Variants in CSMD1 observed in about 807,000 individuals in gnomAD.
CSMD1 encodes CUB and Sushi multiple domains 1.
CSMD1 carries 213 observed loss-of-function variants against 417.5 expected under a neutral mutation model. The ratio of observed to expected loss-of-function variants is 0.51; its 90% CI spans 0.46 to 0.57. The LOEUF is 0.57. Ranked by LOEUF, CSMD1 falls within the 20% of genes least tolerant of loss-of-function variation. CSMD1 has a pLI of 0.00. For synonymous variants in CSMD1, 2,862 were observed against 1,736.8 expected (o/e 1.65, Z -16.11); for missense variants, 6,923 against 4,529.7 (o/e 1.53, Z -15.17).
At chr8:3,853,676 G>A (rs1371391250) in intron 5 of CSMD1, among the ~76,000 whole-genome samples, 1 of 151,832 alleles carries the variant, frequency 6.6e-6, no homozygotes, top group African/African-American at 2.4e-5. Flanking sequence ...AGTGTAGAAG[G>A]TGGCAGTGTG....
intron 2 of CSMD1, among the ~76,000 whole-genome samples, chr8:4,495,941 A>G (rs533803062): frequency 6.6e-6 from 1 of 152,300 alleles, no homozygotes; most frequent in South Asian, 2.1e-4. Context: ...GGCAAATGAC[A>G]AGAACCAAAG....
chr8:4,287,249 T>C (rs554618636), intron 3 of CSMD1, among the ~76,000 whole-genome samples: 3 of 152,326 alleles, frequency 2.0e-5, no homozygotes, highest in Admixed American at 1.3e-4. Context: ...TTCTAAAAGA[T>C]TCCCCCTCAC....
intron 5 of CSMD1, among the ~76,000 whole-genome samples, chr8:3,850,372 T>C (rs1241901618): frequency 1.3e-5 from 2 of 152,226 alleles, no homozygotes; most frequent in Admixed American, 6.5e-5. Flanking sequence ...CTTTGTCCTG[T>C]AAGCACTGAC....
intron 1 of CSMD1, among the ~76,000 whole-genome samples, chr8:4,912,498 C>A (rs969321423): frequency 6.6e-6 from 1 of 152,038 alleles, no homozygotes; most frequent in Non-Finnish European, 1.5e-5. Context: ...ATACAAAGTG[C>A]CAGAGGCTTC....
chr8:3,008,339 A>G (rs1808117697), intron 52 of CSMD1, among the ~76,000 whole-genome samples: 1 of 152,120 alleles, frequency 6.6e-6, no homozygotes, highest in Non-Finnish European at 1.5e-5. Flanking sequence ...AGGGAAAACC[A>G]CTCACTCCAT....
chr8:3,595,918 C>A (rs188831344), intron 8 of CSMD1, among the ~76,000 whole-genome samples: 5 of 152,292 alleles, frequency 3.3e-5, no homozygotes, highest in East Asian at 1.9e-4. Flanking sequence ...TGGGAAGGAG[C>A]TTTGCCCGCA....
At chr8:3,237,151 TAAG>T (rs1172243939) in intron 26 of CSMD1, among the ~76,000 whole-genome samples, 1 of 151,442 alleles carries the variant, frequency 6.6e-6, no homozygotes, top group Non-Finnish European at 1.5e-5. Flanking sequence ...TGCAACTAGA[TAAG>T]AGAGATATAT....
chr8:4,236,557 G>A (rs1479123564), intron 3 of CSMD1, among the ~76,000 whole-genome samples: 2 of 152,120 alleles, frequency 1.3e-5, no homozygotes, highest in Non-Finnish European at 2.9e-5. Flanking sequence ...AAAATTCAAC[G>A]TGATAGAAAG....
chr8:3,831,162 T>C (rs146640954), intron 5 of CSMD1, among the ~76,000 whole-genome samples: 2 of 152,264 alleles, frequency 1.3e-5, no homozygotes, highest in East Asian at 1.9e-4. Context: ...AGAAACCCAA[T>C]TTATCTAGAG....
intron 39 of CSMD1, among the ~76,000 whole-genome samples, chr8:3,152,988 G>A (rs1006727144): frequency 2.6e-5 from 4 of 152,202 alleles, no homozygotes; most frequent in African/African-American, 7.2e-5. Flanking sequence ...ACCTGGAATA[G>A]GAGCTGGATA....
intron 1 of CSMD1, among the ~76,000 whole-genome samples, chr8:4,837,807 G>A (rs981276376): frequency 1.3e-4 from 20 of 151,904 alleles, no homozygotes; most frequent in African/African-American, 3.6e-4. Context: ...TGGATATATC[G>A]TTCCCCATGA....
chr8:3,953,112 A>G (rs1193591851), intron 5 of CSMD1, among the ~76,000 whole-genome samples: 1 of 152,160 alleles, frequency 6.6e-6, no homozygotes, highest in African/African-American at 2.4e-5. Flanking sequence ...CTTTCTCTGA[A>G]AAGATCAATG....
At chr8:3,106,704 G>C in intron 45 of CSMD1, 63 bp from the exon 46 acceptor site, 1 of 883,796 alleles carries the variant, frequency 1.1e-6, no homozygotes, top group Non-Finnish European at 1.8e-6. Flanking sequence ...GTGAAGGTGT[G>C]ACACATGTAG....
rs555861908 is a variant in CSMD1 at position 3,367,224 on chromosome 8, A to G, written c.2923T>C (p.Phe975Leu). The G allele has an allele frequency of 6.2e-7, 1 of 1,612,546 alleles. No individual in the cohort carries two copies. The highest frequency in any genetic ancestry group is 8.5e-7 in the Non-Finnish European group (1 of 1,179,210). Residue 975 changes from phenylalanine to leucine, a missense_variant, in exon 20 of 70, where the codon TTT (phenylalanine) becomes CTT (leucine). Coordinates refer to ENST00000635120, the MANE Select transcript of CSMD1 (RefSeq NM_033225.6). ...GKGVQMIFHT[F>L]HLESSHDYLL... is the part of the protein sequence containing the mutation. Reference sequence around the variant, plus strand: ...TAGTCGTGGGAACTCTCAAGATGAAAGGTGTGAAAGATCATTTGAACTCCT... The same window carrying G: ...TAGTCGTGGGAACTCTCAAGATGAAGGGTGTGAAAGATCATTTGAACTCCT...
chr8:3,756,403 A>G (rs1797660677), intron 5 of CSMD1, among the ~76,000 whole-genome samples: 1 of 152,056 alleles, frequency 6.6e-6, no homozygotes, highest in Admixed American at 6.6e-5. Flanking sequence ...ATCAATAATT[A>G]TTTTTATACA....
At chr8:4,617,426 G>T (rs559834802) in intron 2 of CSMD1, among the ~76,000 whole-genome samples, 2 of 152,122 alleles carry the variant, frequency 1.3e-5, no homozygotes, top group Non-Finnish European at 2.9e-5. Context: ...AATATGCAAG[G>T]TAGTAGGACT....
At chr8:3,885,359 T>G (rs537508020) in intron 5 of CSMD1, among the ~76,000 whole-genome samples, 9 of 152,228 alleles carry the variant, frequency 5.9e-5, no homozygotes, top group Non-Finnish European at 1.3e-4. Context: ...TGTTAAACGG[T>G]TAAACGAAAA....
chr8:4,096,170 C>T (rs1335889574), intron 3 of CSMD1, among the ~76,000 whole-genome samples: 2 of 152,068 alleles, frequency 1.3e-5, no homozygotes, highest in Non-Finnish European at 2.9e-5. Context: ...ACTAAGAGAT[C>T]AGTTTTTCTC....
chr8:4,150,477 G>A (rs1161618455), intron 3 of CSMD1, among the ~76,000 whole-genome samples: 2 of 152,126 alleles, frequency 1.3e-5, no homozygotes, highest in Admixed American at 6.6e-5. Context: ...TCAGCTAACA[G>A]AATTTTTCAC....
Sources: gnomAD v4.1 joint callset for allele counts (sites outside exome capture counted in the v4.1 genomes callset) on GRCh38, gnomAD v4.1.1 for gene constraint, MANE v1.5 for transcripts, NCBI Gene and HGNC (gene_info 2026-07-23, HGNC 2026-07-21) for gene names.